Variants in C12orf75 observed in about 807,000 individuals in gnomAD.
C12orf75 encodes chromosome 12 open reading frame 75.
A neutral mutation model predicts 11.4 loss-of-function variants in C12orf75; 4 were observed. The observed-to-expected ratio is 0.35, with a 90% CI of 0.17 to 0.80. The LOEUF is 0.80. Among genes scored for constraint, C12orf75 ranks in the 30% least tolerant of loss-of-function variants. The probability of loss-of-function intolerance (pLI) is 0.52; values close to 1 mark genes in which losing one functional copy is unlikely to be tolerated. For synonymous variants in C12orf75, 30 were observed against 30.0 expected, an observed-to-expected ratio of 1.00 and a Z score of 0.00; for missense variants, 89 against 80.4, an observed-to-expected ratio of 1.11 and a Z score of -0.41.
chr12:105,338,869 C>A (rs1892530521), intron 1 of C12orf75, among the ~76,000 whole-genome samples: 1 of 152,144 alleles, frequency 6.6e-6, no homozygotes, highest in African/African-American at 2.4e-5. Context: ...TAGACCCCAC[C>A]CCCATGAGAT....
Position 105,330,717 on chromosome 12 carries a change from G to A in C12orf75, c.-175G>A, listed in dbSNP as rs1452365959. ...GTTTCCGCCCGGCAGCCCGCAGCCC[G>A]CTGCGCCCCGGGCCGCGTCTCCCGG... is the stretch of plus-strand genomic sequence containing the variant. On this transcript the variant is annotated 5_prime_UTR_variant, in exon 1 of 6. Transcript: ENST00000443585. The A allele has an allele frequency of 2.7e-5, 14 of 515,846 alleles. No homozygotes were observed. Among genetic ancestry groups the A allele is most frequent in the Non-Finnish European group, 3.3e-5 (12 of 363,220 alleles). 32.0% of individuals were successfully genotyped at this position (515,846 alleles called of 1,614,324 possible).
In C12orf75 at chr12:105,365,978, A is replaced by G. The variant is rs1049449246; in HGVS notation, c.107+136A>G. The stretch of plus-strand genomic sequence containing the variant: ...TGGCACAGAGAATACAGGTAGGGGC[A>G]TATGGTCTGAAAAAGAACTTGCCCA... On this transcript the variant is annotated intron_variant, in intron 3 of 5. Coordinates refer to ENST00000443585, the MANE Select transcript of C12orf75 (RefSeq NM_001145199.2). 13 of 706,168 alleles carry G rather than the reference A, an allele frequency of 1.8e-5. No individual in the cohort carries two copies. The Middle Eastern group carries it at 7.1e-4, about 38-fold the overall frequency. 43.7% of individuals were successfully genotyped at this position (706,168 alleles called of 1,614,324 possible). A position where few individuals can be genotyped will look rare whatever the true frequency, so the allele number is the denominator to read the frequency against.
At chr12:105,360,226 C>G (rs562655938) in intron 2 of C12orf75, among the ~76,000 whole-genome samples, 1 of 152,354 alleles carries the variant, frequency 6.6e-6, no homozygotes, top group Admixed American at 6.5e-5. Flanking sequence ...CTCCCCATTT[C>G]TTTCTCTGGT....
chr12:105,344,158 A>G (rs139189377), intron 1 of C12orf75, among the ~76,000 whole-genome samples: 33 of 152,348 alleles, frequency 2.2e-4, no homozygotes, highest in African/African-American at 7.2e-4. Context: ...CACTGAATGC[A>G]CAACATGTGG....
At chr12:105,331,196 A>C (rs1892417617) in intron 1 of C12orf75, among the ~76,000 whole-genome samples, 1 of 151,932 alleles carries the variant, frequency 6.6e-6, no homozygotes, top group African/African-American at 2.4e-5. Context: ...GCTCCCCTGC[A>C]GCCGCCGGGG....
At chr12:105,360,560 A>G (rs758954482) in intron 2 of C12orf75, among the ~76,000 whole-genome samples, 38 of 152,354 alleles carry the variant, frequency 2.5e-4, no homozygotes, top group Non-Finnish European at 4.1e-4. Flanking sequence ...TTTGAATGAC[A>G]TAAGCTACCT....
At position 105,339,392 on chromosome 12, in the gene C12orf75, AT is replaced by A. The variant is rs10638339; in HGVS notation, c.46+8471del. On this transcript the variant is annotated intron_variant, in intron 1 of 5. Coordinates refer to ENST00000443585, the MANE Select transcript of C12orf75 (RefSeq NM_001145199.2). ...GAAGAGTGCTTTTTAAATCTTCAGT[AT>A]TTTTTTTTTTTTTTTACAAATTCTT... Among the ~76,000 whole-genome samples, 371 of 136,456 alleles carry A rather than the reference AT, an allele frequency of 2.7e-3. 1 individual carries two copies. The highest frequency in any genetic ancestry group is 3.8e-3 in the Middle Eastern group (1 of 262). The allele number at this position is 136,456 out of a possible 152,430, so 89.5% of individuals were successfully genotyped here. A position where few individuals can be genotyped will look rare whatever the true frequency, so the allele number is the denominator to read the frequency against.
chr12:105,367,018 A>G (rs374544172), intron 4 of C12orf75, among the ~76,000 whole-genome samples: 1 of 152,232 alleles, frequency 6.6e-6, no homozygotes. Context: ...CAGAAAGGTA[A>G]ATTTCTGTAA....
chr12:105,333,442 T>G (rs1470295288), intron 1 of C12orf75, among the ~76,000 whole-genome samples: 3 of 152,198 alleles, frequency 2.0e-5, no homozygotes, highest in Admixed American at 2.0e-4. Context: ...AGAGATATTG[T>G]CTTTCTCTTC....
At chr12:105,360,750 C>T (rs1053543769) in intron 2 of C12orf75, among the ~76,000 whole-genome samples, 3 of 152,090 alleles carry the variant, frequency 2.0e-5, no homozygotes, top group Admixed American at 2.0e-4. Flanking sequence ...CTCCCGGGCT[C>T]AGGTGAACAT....
In C12orf75 at chr12:105,367,475, A is replaced by T; in HGVS notation, c.191A>T (p.Ter64LeuextTer6). The T allele has an allele frequency of 1.2e-6, 1 of 844,300 alleles. No individual in the cohort carries two copies. The highest frequency in any genetic ancestry group is 1.8e-6 in the Non-Finnish European group (1 of 552,890). 52.3% of individuals were successfully genotyped at this position (844,300 alleles called of 1,614,324 possible). The stretch of plus-strand genomic sequence containing the variant: ...TTTTCTTAATTTTCTCTTTAAGATT[A>T]GAAGAAAATAACATCATGACTCAAG... ...SSQTKTVRKN[*>L] Residue 64 changes from the stop codon to leucine, a stop_lost, in exon 5 of 6, where the codon TAG (stop) becomes TTG (leucine). Transcript: ENST00000443585.
rs942306734 is a variant in C12orf75, at chr12:105,366,706, A to G, written c.187+10A>G. The G allele has an allele frequency of 7.0e-6, 10 of 1,425,956 alleles. No homozygotes were observed. Among genetic ancestry groups the G allele is most frequent in the Non-Finnish European group, 9.7e-6 (10 of 1,034,564 alleles). 88.3% of individuals were successfully genotyped at this position (1,425,956 alleles called of 1,614,324 possible). A position where few individuals can be genotyped will look rare whatever the true frequency, so the allele number is the denominator to read the frequency against. ...AAGACGGTTCGGAAAAGTAAGTGAA[A>G]TCATGTGCTGTTGATTTTCCCTAAT... is the stretch of plus-strand genomic sequence containing the variant. On this transcript the variant is annotated intron_variant, in intron 4 of 5. Coordinates refer to ENST00000443585, the MANE Select transcript of C12orf75 (RefSeq NM_001145199.2).
chr12:105,339,395 T>TTTA lies in C12orf75; in HGVS notation c.46+8460_46+8461insATT, dbSNP rs529562295. Among the ~76,000 whole-genome samples the TTTA allele has an allele frequency of 2.8e-4, 43 of 151,402 alleles. No individual in the cohort carries two copies. The South Asian group carries it at 9.0e-3, about 32-fold the overall frequency. On this transcript the variant is annotated intron_variant, in intron 1 of 5. Transcript: ENST00000443585. ...GAGTGCTTTTTAAATCTTCAGTATT[T>TTTA]TTTTTTTTTTTTTACAAATTCTTCA...
chr12:105,362,031 A>T (rs1313936920), intron 2 of C12orf75, among the ~76,000 whole-genome samples: 3 of 152,212 alleles, frequency 2.0e-5, no homozygotes, highest in Non-Finnish European at 4.4e-5. Context: ...CATGCTGATG[A>T]AACAGACTAG....
At chr12:105,357,101 T>C (rs1892793198) in intron 2 of C12orf75, among the ~76,000 whole-genome samples, 1 of 152,158 alleles carries the variant, frequency 6.6e-6, no homozygotes, top group Non-Finnish European at 1.5e-5. Context: ...TTATTTATGA[T>C]TAGAGAGACA....
chr12:105,330,820 T>G lies in C12orf75; in HGVS notation c.-72T>G. On this transcript the variant is annotated 5_prime_UTR_variant, in exon 1 of 6. Transcript: ENST00000443585. ...GCCTCCCGCTCGGGGTGCGCCGCCC[T>G]TCGTCTGGGTCTCCGCCCCCAGGAC... 8.2e-7 allele frequency: 1 copy of G among 1,223,674 alleles called. No individual in the cohort carries two copies. Among genetic ancestry groups the G allele is most frequent in the Non-Finnish European group, 1.0e-6 (1 of 982,390 alleles). The allele number at this position is 1,223,674 out of a possible 1,614,324, so 75.8% of individuals were successfully genotyped here. A position where few individuals can be genotyped will look rare whatever the true frequency, so the allele number is the denominator to read the frequency against.
chr12:105,357,455 G>A (rs1892797779), intron 2 of C12orf75, among the ~76,000 whole-genome samples: 2 of 152,182 alleles, frequency 1.3e-5, no homozygotes, highest in South Asian at 2.1e-4. Flanking sequence ...CTCTACAAGA[G>A]TGAGTCATGT....
chr12:105,350,738 A>T (rs144546720), intron 2 of C12orf75, among the ~76,000 whole-genome samples: 2 of 152,270 alleles, frequency 1.3e-5, no homozygotes, highest in African/African-American at 4.8e-5. Flanking sequence ...AGAGTTATTC[A>T]TGTCATGCTT....
chr12:105,365,774 A>C, intron 2 of C12orf75, 33 bp from the exon 3 acceptor site: 1 of 1,490,840 alleles, frequency 6.7e-7, no homozygotes. Context: ...TATGTAACCA[A>C]GTGTCTCATA....
Sources: gnomAD v4.1 joint callset for allele counts (sites outside exome capture counted in the v4.1 genomes callset) on GRCh38, gnomAD v4.1.1 for gene constraint, MANE v1.5 for transcripts, NCBI Gene and HGNC (gene_info 2026-07-23, HGNC 2026-07-21) for gene names.